Variants in IL34 observed in about 807,000 individuals in gnomAD.
IL34 encodes the protein interleukin 34.
Under a neutral mutation model 25.3 loss-of-function variants are expected in IL34, and 17 were observed. That is an observed-to-expected ratio of 0.67 (90% CI 0.46 to 1.01). The LOEUF (loss-of-function observed/expected upper bound fraction) is 1.01. Among genes scored for constraint, IL34 ranks in the 50% least tolerant of loss-of-function variants. The pLI, the probability that IL34 is intolerant of heterozygous loss-of-function variation, is 0.00. For missense variants in IL34, 368 were observed against 312.9 expected (o/e 1.18, Z -1.33); for synonymous variants, 174 against 140.9 (o/e 1.23, Z -1.66).
chr16:70,616,128 T>G (rs1192582621), intron 1 of IL34, among the ~76,000 whole-genome samples: 2 of 152,228 alleles, frequency 1.3e-5, no homozygotes, highest in African/African-American at 4.8e-5. Context: ...TTATACCATC[T>G]GCTATCACAG....
chr16:70,656,549 C>G (rs930941154), intron 2 of IL34, 53 bp from the exon 3 acceptor site: 2 of 881,716 alleles, frequency 2.3e-6, no homozygotes, highest in South Asian at 2.6e-5. Context: ...GGTTGGGGAG[C>G]CTGCTGGTCA....
chr16:70,616,944 A>G (rs2051181922), intron 1 of IL34, among the ~76,000 whole-genome samples: 2 of 152,138 alleles, frequency 1.3e-5, no homozygotes, highest in South Asian at 4.1e-4. Flanking sequence ...AATAAGAAAA[A>G]TCAAAATAGT....
rs763733561 is a variant in IL34 at position 70,660,063 on chromosome 16, A to G, written c.605A>G (p.Glu202Gly). The change falls in exon 6 of 6, where the codon GAG becomes GGG. Residue 202 changes from glutamate to glycine, a missense_variant. Physicochemically the swap from Glu to Gly is moderately conservative, Grantham distance 98. Transcript: ENST00000288098. ...EVPSPQSCSP[E>G]PSLQYAATQL... is the part of the protein sequence containing the mutation. The stretch of plus-strand genomic sequence containing the variant: ...CCAAGTCCTCAGTCTTGCAGCCCAG[A>G]GCCCTCATTGCAGTATGCGGCCACC... 6.2e-7 allele frequency: 1 copy of G among 1,613,522 alleles called. No homozygotes were observed. Among genetic ancestry groups the G allele is most frequent in the Admixed American group, 1.7e-5 (1 of 59,956 alleles).
Position 70,657,024 on chromosome 16 carries a change from C to T in IL34, c.305C>T (p.Thr102Ile), listed in dbSNP as rs370436386. 5 of 1,612,460 alleles carry T rather than the reference C, an allele frequency of 3.1e-6. No homozygotes were observed. The African/African-American group carries it at 5.3e-5, about 17-fold the overall frequency. ...YLWVLVSLSA[T>I]ESVQDVLLEG... ...TGGGTCTTGGTGAGCCTCAGTGCCACTGAGTCGGTGCAGGACGTGCTGCTC... is the reference window on the plus strand; with the variant it reads ...TGGGTCTTGGTGAGCCTCAGTGCCATTGAGTCGGTGCAGGACGTGCTGCTC... The change falls in exon 4 of 6, where the codon ACT becomes ATT. Residue 102 changes from threonine (T) to isoleucine (I), a missense_variant. Transcript: ENST00000288098.
chr16:70,592,446 C>G (rs2050767090), intron 1 of IL34, among the ~76,000 whole-genome samples: 1 of 152,082 alleles, frequency 6.6e-6, no homozygotes, highest in Admixed American at 6.6e-5. Flanking sequence ...GTTCTGGGAC[C>G]CTTAACCCAA....
intron 1 of IL34, among the ~76,000 whole-genome samples, chr16:70,649,124 T>C (rs2052015469): frequency 6.6e-6 from 1 of 152,140 alleles, no homozygotes; most frequent in African/African-American, 2.4e-5. Flanking sequence ...GGGCTTAGCC[T>C]GCGAGGGTTC....
rs142732339 is a variant in IL34, at chr16:70,640,475, T to C, written c.-400-6073T>C. ...CCTGTCTCTACTAAAAATACAAAAG[T>C]TAGCCGGGTGTGGTGGTGCATGCCT... is the stretch of plus-strand genomic sequence containing the variant. On this transcript the variant is annotated intron_variant, in intron 1 of 6. Coordinates refer to the IL34 transcript ENST00000429149. Among the ~76,000 whole-genome samples, 158 of 151,764 alleles carry C rather than the reference T, an allele frequency of 1.0e-3. 2 individuals are homozygous for C. Among genetic ancestry groups the C allele is most frequent in the African/African-American group, 3.5e-3 (145 of 41,386 alleles).
chr16:70,617,828 G>C (rs540036801), intron 1 of IL34, among the ~76,000 whole-genome samples: 1 of 151,880 alleles, frequency 6.6e-6, no homozygotes, highest in Non-Finnish European at 1.5e-5. Context: ...CTGTATAGAG[G>C]TGGGAAGGCT....
At chr16:70,659,389 A>G (rs1486602142) in intron 4 of IL34, among the ~76,000 whole-genome samples, 1 of 152,156 alleles carries the variant, frequency 6.6e-6, no homozygotes, top group East Asian at 1.9e-4. Flanking sequence ...TTTTTCAAGG[A>G]TGGAAAAGCG....
At chr16:70,584,988 A>G (rs1266091711) in intron 1 of IL34, among the ~76,000 whole-genome samples, 1 of 152,150 alleles carries the variant, frequency 6.6e-6, no homozygotes, top group Non-Finnish European at 1.5e-5. Flanking sequence ...GGTGTGAGCC[A>G]CTGTGCCCGG....
At chr16:70,641,041 G>A (rs564983046) in intron 1 of IL34, among the ~76,000 whole-genome samples, 1 of 152,294 alleles carries the variant, frequency 6.6e-6, no homozygotes, top group South Asian at 2.1e-4. Flanking sequence ...GGAGGCCGAG[G>A]CAGGCAGATC....
chr16:70,639,454 C>A (rs868838442), intron 1 of IL34, among the ~76,000 whole-genome samples: 5 of 152,286 alleles, frequency 3.3e-5, no homozygotes, highest in Non-Finnish European at 4.4e-5. Context: ...AACGCTTGAT[C>A]AGAAAGCGAG....
rs552925445 is a variant in IL34, at chr16:70,654,665, G to A, written c.156G>A (p.Gln52=). 36 of 1,604,936 alleles carry A rather than the reference G, an allele frequency of 2.2e-5. 1 individual carries two copies. In the South Asian group the frequency reaches 3.8e-4, roughly 17 times the overall value. Reference sequence around the variant, plus strand: ...AGCTGCAGTACAGGAGCCGACTTCAGTACATGGTAACCACGTGGGCACCAG... The same window carrying A: ...AGCTGCAGTACAGGAGCCGACTTCAATACATGGTAACCACGTGGGCACCAG... ...RDKLQYRSRL[Q]YMKHYFPINY... Residue 52 remains glutamine (Q), a synonymous_variant, in exon 2 of 6, where the codon CAG becomes CAA. Coordinates refer to ENST00000288098, the MANE Select transcript of IL34 (RefSeq NM_001393494.1).
chr16:70,613,925 C>T (rs1006467724), intron 1 of IL34, among the ~76,000 whole-genome samples: 9 of 151,774 alleles, frequency 5.9e-5, no homozygotes, highest in Middle Eastern at 6.8e-3. Flanking sequence ...CGGTGGCTCA[C>T]CCCTGTAATC....
At chr16:70,605,305 G>C (rs769034228) in intron 1 of IL34, among the ~76,000 whole-genome samples, 2 of 152,198 alleles carry the variant, frequency 1.3e-5, no homozygotes, top group Non-Finnish European at 1.5e-5. Flanking sequence ...TCAAATGCAA[G>C]TGTCCACTTC....
chr16:70,604,748 G>A (rs1050112403), intron 1 of IL34, among the ~76,000 whole-genome samples: 3 of 152,204 alleles, frequency 2.0e-5, no homozygotes, highest in Admixed American at 2.0e-4. Flanking sequence ...CCGGCCTGGG[G>A]CCCAGGCACA....
chr16:70,638,115 C>T (rs1160026427), intron 1 of IL34, among the ~76,000 whole-genome samples: 3 of 152,166 alleles, frequency 2.0e-5, no homozygotes, highest in Non-Finnish European at 2.9e-5. Context: ...ATGCACTCTG[C>T]CAGAAGCCAT....
At chr16:70,651,762 T>TAAAA (rs10713010) in intron 1 of IL34, among the ~76,000 whole-genome samples, 2 of 143,502 alleles carry the variant, frequency 1.4e-5, no homozygotes, top group Admixed American at 1.4e-4. Flanking sequence ...ACTGCTTTTG[T>TAAAA]AAAAAAAAAA....
In IL34 at chr16:70,608,136, T is replaced by C. The variant is rs1051513140; in HGVS notation, c.-401+28087T>C. 4.0e-5 allele frequency among the ~76,000 whole-genome samples: 6 copies of C among 148,804 alleles called. No homozygotes were observed. In the South Asian group the frequency reaches 8.5e-4, roughly 21 times the overall value. ...TTGATTTTCTTTTTTCTTTTTTTTT[T>C]TTTTTTTTTTGAGATAGAGTCTTGC... On this transcript the variant is annotated intron_variant, in intron 1 of 6. Coordinates refer to the IL34 transcript ENST00000429149.
Sources: gnomAD v4.1 joint callset for allele counts (sites outside exome capture counted in the v4.1 genomes callset) on GRCh38, gnomAD v4.1.1 for gene constraint, MANE v1.5 for transcripts, NCBI Gene and HGNC (gene_info 2026-07-23, HGNC 2026-07-21) for gene names.